FREM3: variants seen among roughly 807,000 people sequenced by gnomAD.
FREM3 encodes FRAS1 related extracellular matrix 3, also known as FRAS1-related extracellular matrix protein 3.
Under a neutral mutation model 129.1 loss-of-function variants are expected in FREM3, and 105 were observed. The ratio of observed to expected loss-of-function variants is 0.81; its 90% confidence interval spans 0.69 to 0.96. The LOEUF is 0.96. FREM3 is among the 40% of genes least tolerant of loss of function. The probability of loss-of-function intolerance (pLI) is 0.00; values close to 1 mark genes in which losing one functional copy is unlikely to be tolerated. For synonymous variants in FREM3, 1,014 were observed against 1,044.9 expected, an observed-to-expected ratio of 0.97 and a Z score of 0.57; for missense variants, 2,593 against 2,666.3, an observed-to-expected ratio of 0.97 and a Z score of 0.61.
chr4:143,661,100 G>A (rs1412345917), intron 2 of FREM3, among the ~76,000 whole-genome samples: 1 of 152,112 alleles, frequency 6.6e-6, no homozygotes, highest in Non-Finnish European at 1.5e-5. Flanking sequence ...GATTGCCCTG[G>A]CCAGAATTTC....
chr4:143,675,720 T>A (rs570348084), intron 2 of FREM3, among the ~76,000 whole-genome samples: 13 of 152,208 alleles, frequency 8.5e-5, no homozygotes, highest in Admixed American at 7.8e-4. Context: ...TCACCACTGA[T>A]CCCACAGAAA....
Position 143,698,871 on chromosome 4 carries a change from C to G in FREM3, c.1805G>C (p.Gly602Ala). Reference sequence around the variant, plus strand: ...CAGGTAGTGGCCTGAGTGGGAGGAACCAGGGGCCAACTCCCACTGAGGCTC... The same window carrying G: ...CAGGTAGTGGCCTGAGTGGGAGGAAGCAGGGGCCAACTCCCACTGAGGCTC... ...EEEPQWELAP[G>A]SSHSGHYLGD... Residue 602 changes from glycine (G) to alanine (A), a missense_variant, in exon 1 of 8, where the codon GGT becomes GCT. By Grantham distance (60) the Gly-to-Ala change is moderately conservative. Coordinates refer to ENST00000329798, the MANE Select transcript of FREM3 (RefSeq NM_001168235.2). 6.5e-7 allele frequency: 1 copy of G among 1,537,596 alleles called. No individual in the cohort carries two copies. The highest frequency in any genetic ancestry group is 8.7e-7 in the Non-Finnish European group (1 of 1,146,952).
intron 5 of FREM3, among the ~76,000 whole-genome samples, chr4:143,619,749 T>G (rs1248234893): frequency 6.6e-6 from 1 of 152,162 alleles, no homozygotes; most frequent in Non-Finnish European, 1.5e-5. Context: ...ACTAGTTTTA[T>G]GCTGTGTTTT....
At chr4:143,616,700 G>A (rs1432513084) in intron 5 of FREM3, among the ~76,000 whole-genome samples, 1 of 152,056 alleles carries the variant, frequency 6.6e-6, no homozygotes, top group Non-Finnish European at 1.5e-5. Flanking sequence ...GGCTGAGGCC[G>A]GAGAATGGCG....
chr4:143,585,938 G>T lies in FREM3; in HGVS notation c.6084C>A (p.Tyr2028Ter), dbSNP rs1321710287. The T allele has an allele frequency of 6.5e-7, 1 of 1,537,398 alleles. No homozygotes were observed. Among genetic ancestry groups the T allele is most frequent in the East Asian group, 2.4e-5 (1 of 40,926 alleles). The change falls in exon 7 of 8, where the codon TAC becomes TAA. Residue 2028 changes from tyrosine (Y) to a stop codon, truncating the protein, a stop_gained. Coordinates refer to ENST00000329798, the MANE Select transcript of FREM3 (RefSeq NM_001168235.2). LOFTEE classifies it high-confidence loss of function. This position sits in a 1 kb window ranked among gnomAD's most constrained non-coding sequence, Gnocchi z 4.2. ...AEYHVNESAR[Y>*]VEVCVWRRGT... ...CTCTTCTCCAAACACAAACCTCCAC[G>T]TAGCGAGCACTTTCATTGACGTGAT...
chr4:143,631,388 G>C (rs566479391), intron 2 of FREM3, among the ~76,000 whole-genome samples: 1 of 151,986 alleles, frequency 6.6e-6, no homozygotes, highest in East Asian at 1.9e-4. Context: ...TTGTCACCTA[G>C]GCTGGAGTGC....
chr4:143,658,868 C>T lies in FREM3; in HGVS notation c.5276-31108G>A, dbSNP rs371663326. On this transcript the variant is annotated intron_variant, in intron 2 of 7. Transcript: ENST00000329798. The stretch of plus-strand genomic sequence containing the variant: ...GCATGCTCACTACTTCAACTCTGGC[C>T]GCAGCCTCTGCAGTCAGGTTTACAA... 9.1e-4 allele frequency among the ~76,000 whole-genome samples: 138 copies of T among 152,088 alleles called. 1 individual carries two copies. The highest frequency in any genetic ancestry group is 2.7e-3 in the African/African-American group (112 of 41,526).
chr4:143,699,076 G>C lies in FREM3; in HGVS notation c.1600C>G (p.Leu534Val). The C allele has an allele frequency of 2.6e-6, 4 of 1,537,462 alleles. No homozygotes were observed. The highest frequency in any genetic ancestry group is 2.7e-5 in the African/African-American group (2 of 73,146). The change falls in exon 1 of 8, where the codon CTC becomes GTC. Residue 534 changes from leucine (L) to valine (V), a missense_variant. Around this residue, in one of 2 missense-constraint regions of FREM3, gnomAD observed 2,276 missense variants for 2,267.2 expected, o/e 1.00. Transcript: ENST00000329798. This position sits in a 1 kb window ranked among gnomAD's most constrained non-coding sequence, Gnocchi z 4.2. ...TCATCATCCACAGGTAGGATGGTGA[G>C]GGGAAAGAGGAAGTCCACTTGGTGG... ...GHHQVDFLFP[L>V]TILPVDDEPP...
chr4:143,593,432 T>C (rs1738403564), intron 6 of FREM3, among the ~76,000 whole-genome samples: 1 of 152,202 alleles, frequency 6.6e-6, no homozygotes, highest in Non-Finnish European at 1.5e-5. Flanking sequence ...GTCCTTTCTG[T>C]TTGTTAGTTT....
At chr4:143,588,897 C>G (rs1414474076) in intron 6 of FREM3, among the ~76,000 whole-genome samples, 1 of 151,004 alleles carries the variant, frequency 6.6e-6, no homozygotes. Flanking sequence ...ACATCCTCTC[C>G]AGCACCTGTC....
intron 2 of FREM3, among the ~76,000 whole-genome samples, chr4:143,631,210 T>C (rs1381209282): frequency 6.6e-6 from 1 of 152,136 alleles, no homozygotes; most frequent in East Asian, 1.9e-4. Flanking sequence ...CCAAAGACAA[T>C]ATTATTTGAT....
At chr4:143,616,063 T>G (rs1156766150) in intron 5 of FREM3, among the ~76,000 whole-genome samples, 1 of 152,238 alleles carries the variant, frequency 6.6e-6, no homozygotes, top group African/African-American at 2.4e-5. Context: ...TTTCACAGAT[T>G]CAGATCAAAT....
Position 143,699,525 on chromosome 4 carries a change from TC to T in FREM3, c.1150del (p.Glu384SerfsTer2). ...VSFFTQQELR[E>X]LKIAYQPPAE... ...AGGGGGCTGATAGGCAATCTTCAGC[TC>T]CCTCAGCTCCTGCTGGGTGAAGAAG... is the stretch of plus-strand genomic sequence containing the variant. On this transcript the variant is annotated frameshift_variant, in exon 1 of 8. Coordinates refer to ENST00000329798, the MANE Select transcript of FREM3 (RefSeq NM_001168235.2). LOFTEE classifies it high-confidence loss of function. This position sits in a 1 kb window ranked among gnomAD's most constrained non-coding sequence, Gnocchi z 4.2. The T allele has an allele frequency of 6.5e-7, 1 of 1,537,220 alleles. No homozygotes were observed. The highest frequency in any genetic ancestry group is 2.4e-5 in the East Asian group (1 of 40,904).
intron 5 of FREM3, among the ~76,000 whole-genome samples, chr4:143,612,629 C>G (rs1390112400): frequency 1.3e-5 from 2 of 152,150 alleles, no homozygotes; most frequent in Middle Eastern, 3.4e-3. Context: ...TTTGCACCAA[C>G]CCAATAATTT....
rs1406430417 is a variant in FREM3, at chr4:143,697,920, AC to A, written c.2755del (p.Val919Ter). On this transcript the variant is annotated frameshift_variant, in exon 1 of 8. Transcript: ENST00000329798. LOFTEE classifies it high-confidence loss of function. Reference protein sequence around the residue: ...TTTSDTFHLEVSDGVHHIPIT... With the variant: ...TTTSDTFHLEXSDGVHHIPIT... ...GGGTATATGGTGCACCCCATCACTT[AC>A]TTCCAGATGGAAAGTGTCACTGGTA... The A allele has an allele frequency of 2.0e-6, 3 of 1,537,770 alleles. No homozygotes were observed. The African/African-American group carries it at 4.1e-5, about 21-fold the overall frequency.
At chr4:143,635,830 A>G (rs1408200567) in intron 2 of FREM3, among the ~76,000 whole-genome samples, 1 of 152,206 alleles carries the variant, frequency 6.6e-6, no homozygotes, top group East Asian at 1.9e-4. Context: ...ATGTGAGAAA[A>G]TCAGAGTTTA....
chr4:143,655,442 CTG>C (rs1401372415), intron 2 of FREM3, among the ~76,000 whole-genome samples: 1 of 152,126 alleles, frequency 6.6e-6, no homozygotes, highest in Non-Finnish European at 1.5e-5. Context: ...GTGAACAAAA[CTG>C]TATTTAGTGG....
intron 2 of FREM3, among the ~76,000 whole-genome samples, chr4:143,628,985 G>T (rs1739094230): frequency 6.6e-6 from 1 of 152,142 alleles, no homozygotes. Context: ...AGTAGGGCCA[G>T]TTAAGGAGGC....
intron 2 of FREM3, among the ~76,000 whole-genome samples, chr4:143,632,073 T>C (rs1739150334): frequency 6.6e-6 from 1 of 152,050 alleles, no homozygotes; most frequent in African/African-American, 2.4e-5. Flanking sequence ...ATAGTCTAGG[T>C]TTTTGAAGGA....
Sources: gnomAD v4.1 joint callset for allele counts (sites outside exome capture counted in the v4.1 genomes callset) on GRCh38, gnomAD v4.1.1 for gene constraint, gnomAD v4.1.1 regional missense constraint, Gnocchi (gnomAD v3.1) non-coding constraint, MANE v1.5 for transcripts, NCBI Gene and HGNC (gene_info 2026-07-23, HGNC 2026-07-21) for gene names.